Variants in FRMPD4 observed in about 807,000 individuals in gnomAD.
FRMPD4 encodes the protein FERM and PDZ domain-containing protein 4.
In FRMPD4, 22 loss-of-function variants were observed where a neutral mutation model predicts 94.1. That is an observed-to-expected ratio of 0.23 (90% CI 0.17 to 0.33). The LOEUF (loss-of-function observed/expected upper bound fraction) is 0.33, where lower values mean the gene tolerates loss of function less well. Among genes scored for constraint, FRMPD4 ranks in the 10% least tolerant of loss-of-function variants. The pLI is 1.00. For synonymous variants in FRMPD4, 631 were observed against 548.6 expected (o/e 1.15, Z -2.10); for missense variants, 1,111 against 1,339.9 (o/e 0.83, Z 2.67).
chrX:12,457,244 G>C (rs2057343167), intron 1 of FRMPD4, among the ~76,000 whole-genome samples: 1 of 111,700 alleles, frequency 9.0e-6, no homozygotes, highest in Admixed American at 9.5e-5. Flanking sequence ...ATCTACAGGG[G>C]AACTGGAGAG....
At chrX:12,373,801 G>A (rs1299055203) in intron 1 of FRMPD4, among the ~76,000 whole-genome samples, 1 of 112,107 alleles carries the variant, frequency 8.9e-6, no homozygotes, top group Non-Finnish European at 1.9e-5. Context: ...CCATTTTGGA[G>A]ACCAGCATTC....
At chrX:12,082,239 G>A (rs929494664) in intron 3 of FRMPD4, among the ~76,000 whole-genome samples, 1 of 111,563 alleles carries the variant, frequency 9.0e-6, no homozygotes, top group African/African-American at 3.3e-5. Context: ...CATGTTGTGG[G>A]AAAGACCAGG....
At chrX:12,124,494 T>C (rs1297147284) in intron 3 of FRMPD4, among the ~76,000 whole-genome samples, 3 of 111,730 alleles carry the variant, frequency 2.7e-5, no homozygotes, top group African/African-American at 9.8e-5. Flanking sequence ...GAAAATAAGC[T>C]ATAAAATTAA....
intron 1 of FRMPD4, among the ~76,000 whole-genome samples, chrX:12,282,252 CTT>C (rs2054537059): frequency 8.9e-6 from 1 of 112,145 alleles, no homozygotes; most frequent in African/African-American, 3.2e-5. Context: ...AGTCACGGAT[CTT>C]AGTAAACTGC....
At chrX:11,942,574 C>T (rs1174075268) in intron 3 of FRMPD4, among the ~76,000 whole-genome samples, 2 of 111,597 alleles carry the variant, frequency 1.8e-5, no homozygotes, top group African/African-American at 6.5e-5. Context: ...AACACAGTAA[C>T]ATTTGTTATC....
chrX:12,332,602 T>C, intron 1 of FRMPD4, among the ~76,000 whole-genome samples: 1 of 111,503 alleles, frequency 9.0e-6, no homozygotes, highest in East Asian at 2.8e-4. Context: ...ATTTTAGGAA[T>C]CAGGTAGATA....
chrX:11,872,134 G>A (rs969420184), intron 2 of FRMPD4, among the ~76,000 whole-genome samples: 5 of 112,322 alleles, frequency 4.5e-5, no homozygotes, highest in Non-Finnish European at 9.4e-5. Flanking sequence ...GATTATAAAT[G>A]CATAGAAAAT....
intron 1 of FRMPD4, among the ~76,000 whole-genome samples, chrX:12,285,868 T>A (rs2054592989): frequency 8.9e-6 from 1 of 111,989 alleles, no homozygotes; most frequent in South Asian, 3.7e-4. Flanking sequence ...AAAGCCCTCA[T>A]ATGTACTTGT....
chrX:12,245,191 A>G (rs1049927654), intron 1 of FRMPD4, among the ~76,000 whole-genome samples: 4 of 111,975 alleles, frequency 3.6e-5, no homozygotes, highest in Non-Finnish European at 7.5e-5. Flanking sequence ...TCATTTACAT[A>G]AAGGCACTCT....
At chrX:11,987,584 G>A (rs1402585960) in intron 3 of FRMPD4, among the ~76,000 whole-genome samples, 1 of 110,825 alleles carries the variant, frequency 9.0e-6, no homozygotes, top group Non-Finnish European at 1.9e-5. Flanking sequence ...AATAAGGCCA[G>A]GGAAAGAAAT....
intron 4 of FRMPD4, among the ~76,000 whole-genome samples, chrX:12,618,481 T>C: frequency 9.0e-6 from 1 of 111,467 alleles, no homozygotes; most frequent in Middle Eastern, 4.6e-3. Context: ...TTGGTGGAGA[T>C]GGATGGTGTA....
intron 9 of FRMPD4, among the ~76,000 whole-genome samples, chrX:12,697,944 C>A (rs2060149946): frequency 8.9e-6 from 1 of 112,217 alleles, no homozygotes; most frequent in African/African-American, 3.2e-5. Context: ...GCCTCAGACC[C>A]TCTTCTTTGA....
intron 2 of FRMPD4, among the ~76,000 whole-genome samples, chrX:12,574,253 G>A (rs1323302212): frequency 8.9e-6 from 1 of 112,348 alleles, no homozygotes; most frequent in Admixed American, 9.4e-5. Context: ...ACCCACCTCA[G>A]CCTTCTAAAG....
intron 3 of FRMPD4, among the ~76,000 whole-genome samples, chrX:11,903,372 A>C (rs952879780): frequency 8.9e-6 from 1 of 112,654 alleles, no homozygotes; most frequent in African/African-American, 3.2e-5. Context: ...GATTAAAGCA[A>C]TTCATTTTTA....
intron 5 of FRMPD4, among the ~76,000 whole-genome samples, chrX:12,680,851 C>T (rs2059964221): frequency 9.1e-6 from 1 of 110,086 alleles, no homozygotes; most frequent in African/African-American, 3.3e-5. Flanking sequence ...AAGTAAATAG[C>T]CCCACGTTTA....
intron 1 of FRMPD4, among the ~76,000 whole-genome samples, chrX:11,839,868 C>T (rs2053523753): frequency 9.0e-6 from 1 of 110,743 alleles, no homozygotes; most frequent in Non-Finnish European, 1.9e-5. Context: ...GTCTCAGTGC[C>T]TTTGTTGAAT....
intron 1 of FRMPD4, among the ~76,000 whole-genome samples, chrX:12,374,234 T>A (rs1360649829): frequency 8.9e-6 from 1 of 112,080 alleles, no homozygotes; most frequent in Non-Finnish European, 1.9e-5. Flanking sequence ...GTTGATAAGT[T>A]TAGGAGTCAG....
chrX:12,584,394 C>T (rs2058901839), intron 2 of FRMPD4, among the ~76,000 whole-genome samples: 1 of 111,529 alleles, frequency 9.0e-6, no homozygotes, highest in Non-Finnish European at 1.9e-5. Flanking sequence ...TTAAGGCGGA[C>T]CTCTTCACAC....
At chrX:12,507,454 G>A (rs2148242029) in intron 2 of FRMPD4, among the ~76,000 whole-genome samples, 1 of 112,107 alleles carries the variant, frequency 8.9e-6, no homozygotes, top group South Asian at 3.8e-4. Context: ...CAGACTGGGG[G>A]CCGGATGTGA....
Sources: gnomAD v4.1 joint callset for allele counts (sites outside exome capture counted in the v4.1 genomes callset) on GRCh38, gnomAD v4.1.1 for gene constraint, MANE v1.5 for transcripts, NCBI Gene and HGNC (gene_info 2026-07-23, HGNC 2026-07-21) for gene names.